FOXK2: variants seen among roughly 807,000 people sequenced by gnomAD.
The protein encoded by FOXK2 is forkhead box K2, also known as forkhead box protein K2.
FOXK2 carries 24 observed loss-of-function variants against 53.3 expected under a neutral mutation model. The observed-to-expected ratio is 0.45, with a 90% CI of 0.33 to 0.63. The LOEUF is 0.63. Ranked by LOEUF, FOXK2 falls within the 30% of genes least tolerant of loss-of-function variation. The probability of loss-of-function intolerance (pLI) is 0.03; values close to 1 mark genes in which losing one functional copy is unlikely to be tolerated. For synonymous variants in FOXK2, 505 were observed against 407.1 expected, an observed-to-expected ratio of 1.24 and a Z score of -2.89; for missense variants, 952 against 910.5, an observed-to-expected ratio of 1.05 and a Z score of -0.59.
intron 1 of FOXK2, among the ~76,000 whole-genome samples, chr17:82,560,332 C>T (rs902116875): frequency 3.3e-5 from 5 of 152,066 alleles, no homozygotes; most frequent in African/African-American, 4.8e-5. Flanking sequence ...TTAAGGGAAG[C>T]GGTCTCACTG....
intron 8 of FOXK2, chr17:82,599,699 C>T (rs1331214031): frequency 6.6e-6 from 1 of 152,316 alleles, no homozygotes; most frequent in African/African-American, 2.4e-5. Context: ...TGACCACGCA[C>T]CTGGCCGGAC....
At chr17:82,572,946 C>CTT (rs1437599704) in intron 4 of FOXK2, among the ~76,000 whole-genome samples, 1 of 152,118 alleles carries the variant, frequency 6.6e-6, no homozygotes, top group Non-Finnish European at 1.5e-5. Flanking sequence ...AATTCTAGCA[C>CTT]TTTGAGAGCC....
Position 82,584,065 on chromosome 17 carries a change from G to T in FOXK2, c.1156G>T (p.Gly386Cys). ...GGGAGTGCTGTCTGCTCACTCTAGT[G>T]GCGCCCAGACCCCTGAGAGCCTGTC... ...HAGVLSAHSS[G>C]AQTPESLSRE... The change falls in exon 6 of 9, where the codon GGC (glycine) becomes TGC (cysteine). Residue 386 changes from glycine to cysteine, a missense_variant. By Grantham distance (159) the Gly-to-Cys change is radical. Transcript: ENST00000335255. 1 of 1,611,818 alleles carries T rather than the reference G, an allele frequency of 6.2e-7. No individual in the cohort carries two copies.
At position 82,584,039 on chromosome 17, in the gene FOXK2, C is replaced by T. The variant is rs371667664; in HGVS notation, c.1130C>T (p.Ala377Val). ...AGTGCCCCAGCCTCTCCCAATCACG[C>T]GGGAGTGCTGTCTGCTCACTCTAGT... ...SRSAPASPNH[A>V]GVLSAHSSGA... Residue 377 changes from alanine (A) to valine (V), a missense_variant, in exon 6 of 9, where the codon GCG (alanine) becomes GTG (valine). This residue lies in a region of FOXK2 where 160 missense variants were observed against 214.2 expected (regional missense o/e 0.75). Coordinates refer to ENST00000335255, the MANE Select transcript of FOXK2 (RefSeq NM_004514.4). The T allele has an allele frequency of 2.1e-5, 34 of 1,607,650 alleles. No individual in the cohort carries two copies. Among genetic ancestry groups the T allele is most frequent in the Non-Finnish European group, 2.4e-5 (28 of 1,177,168 alleles).
At chr17:82,536,041 A>C (rs1045986798) in intron 1 of FOXK2, among the ~76,000 whole-genome samples, 1 of 150,678 alleles carries the variant, frequency 6.6e-6, no homozygotes, top group East Asian at 2.0e-4. Context: ...CGTGCCTGGC[A>C]TTTTTTTTGT....
chr17:82,602,882 CATT>C lies in FOXK2; in HGVS notation c.*1387_*1389del, dbSNP rs1217037096. ...GAGCTTTTAAATGTCATCATCATAA[CATT>C]ATTTATTTAAATGTAGTTATTTTGG... On this transcript the variant is annotated 3_prime_UTR_variant, in exon 9 of 9. Transcript: ENST00000335255. 5 of 152,356 alleles carry C rather than the reference CATT, an allele frequency of 3.3e-5. No individual in the cohort carries two copies. The highest frequency in any genetic ancestry group is 5.9e-5 in the Non-Finnish European group (4 of 68,040). The allele number at this position is 152,356 out of a possible 1,614,324, so 9.4% of individuals were successfully genotyped here.
chr17:82,538,022 G>A (rs202006508), intron 1 of FOXK2, among the ~76,000 whole-genome samples: 1 of 151,898 alleles, frequency 6.6e-6, no homozygotes. Flanking sequence ...TCAGGAGTTC[G>A]AGACTAGCTT....
chr17:82,597,782 C>T (rs1423347721), intron 8 of FOXK2, among the ~76,000 whole-genome samples: 1 of 152,104 alleles, frequency 6.6e-6, no homozygotes, highest in Non-Finnish European at 1.5e-5. Flanking sequence ...TCCTGAGTAA[C>T]TGAGATTACA....
chr17:82,535,756 T>TG (rs2044514640), intron 1 of FOXK2, among the ~76,000 whole-genome samples: 1 of 150,904 alleles, frequency 6.6e-6, no homozygotes, highest in East Asian at 1.9e-4. Flanking sequence ...TTGTTTTTGT[T>TG]TTTTTTTTGA....
At chr17:82,527,799 C>T (rs2044432935) in intron 1 of FOXK2, among the ~76,000 whole-genome samples, 1 of 152,056 alleles carries the variant, frequency 6.6e-6, no homozygotes, top group African/African-American at 2.4e-5. Flanking sequence ...TGGTAAAACT[C>T]TGTGTTCCTT....
intron 8 of FOXK2, among the ~76,000 whole-genome samples, chr17:82,591,174 G>C (rs190359794): frequency 1.3e-5 from 2 of 152,132 alleles, no homozygotes; most frequent in East Asian, 3.9e-4. Flanking sequence ...GGTGAGTTCC[G>C]TGGGCAGGCG....
At chr17:82,525,106 G>C (rs918896863) in intron 1 of FOXK2, among the ~76,000 whole-genome samples, 8 of 151,666 alleles carry the variant, frequency 5.3e-5, no homozygotes, top group African/African-American at 1.9e-4. Context: ...CTCCCGAGTA[G>C]CTGGGATTAC....
intron 1 of FOXK2, among the ~76,000 whole-genome samples, chr17:82,549,836 C>A (rs1422264724): frequency 2.6e-5 from 4 of 152,204 alleles, no homozygotes; most frequent in African/African-American, 9.6e-5. Context: ...AATATTTATA[C>A]CTTAGAATAT....
chr17:82,555,082 A>C (rs929229709), intron 1 of FOXK2, among the ~76,000 whole-genome samples: 1 of 152,208 alleles, frequency 6.6e-6, no homozygotes. Context: ...ACACAGTGCC[A>C]GGAATTGGGA....
chr17:82,553,225 C>G lies in FOXK2; in HGVS notation c.420-10129C>G, dbSNP rs1042792791. ...TGCTGGGATTACAGGCGTGAGCCAC[C>G]GTGCCCAGCCAGACTTGTTTTTTAA... On this transcript the variant is annotated intron_variant, in intron 1 of 8. Transcript: ENST00000335255. Among the ~76,000 whole-genome samples, 3 of 152,370 alleles carry G rather than the reference C, an allele frequency of 2.0e-5. No individual in the cohort carries two copies. The South Asian group carries it at 6.2e-4, about 32-fold the overall frequency.
At position 82,524,470 on chromosome 17, in the gene FOXK2, G is replaced by A. The variant is rs138770495; in HGVS notation, c.419+4163G>A. On this transcript the variant is annotated intron_variant, in intron 1 of 8. Transcript: ENST00000335255. The stretch of plus-strand genomic sequence containing the variant: ...GGGAAGAGAGAAAGATGAGGACTAT[G>A]ATCCTGTCCTTGTCTGCTGTATTTT... Among the ~76,000 whole-genome samples the A allele has an allele frequency of 1.5e-4, 23 of 152,300 alleles. No homozygotes were observed. In the East Asian group the frequency reaches 3.3e-3, roughly 22 times the overall value.
chr17:82,551,096 T>A (rs2044672554), intron 1 of FOXK2, among the ~76,000 whole-genome samples: 1 of 151,550 alleles, frequency 6.6e-6, no homozygotes, highest in African/African-American at 2.4e-5. Flanking sequence ...GGCGGGCGGA[T>A]CACAAGCTCA....
At chr17:82,596,551 G>GACCGCGCA (rs1555644205) in intron 8 of FOXK2, among the ~76,000 whole-genome samples, 21 of 14,812 alleles carry the variant, frequency 1.4e-3, no homozygotes, top group Admixed American at 6.2e-3. Flanking sequence ...CTTTCTGCGG[G>GACCGCGCA]CAGTCTGTGT....
chr17:82,574,768 A>C (rs1207375127), intron 4 of FOXK2, among the ~76,000 whole-genome samples: 1 of 152,174 alleles, frequency 6.6e-6, no homozygotes, highest in African/African-American at 2.4e-5. Context: ...CCTGGCTTAC[A>C]ACAAAAGCCA....
Sources: gnomAD v4.1 joint callset for allele counts (sites outside exome capture counted in the v4.1 genomes callset) on GRCh38, gnomAD v4.1.1 for gene constraint, gnomAD v4.1.1 regional missense constraint, MANE v1.5 for transcripts, NCBI Gene and HGNC (gene_info 2026-07-23, HGNC 2026-07-21) for gene names.